Variants in SLC22A23 observed in about 807,000 individuals in gnomAD.
SLC22A23 encodes ion transporter protein.
Under a neutral mutation model 61.0 loss-of-function variants are expected in SLC22A23, and 26 were observed. The ratio of observed to expected loss-of-function variants is 0.43; its 90% CI spans 0.31 to 0.59. The LOEUF (loss-of-function observed/expected upper bound fraction) is 0.59, where lower values mean the gene tolerates loss of function less well. Among genes scored for constraint, SLC22A23 ranks in the 20% least tolerant of loss-of-function variants. The pLI is 0.11. For synonymous variants in SLC22A23, 430 were observed against 413.9 expected, an observed-to-expected ratio of 1.04 and a Z score of -0.47; for missense variants, 796 against 934.7, an observed-to-expected ratio of 0.85 and a Z score of 1.94.
At chr6:3,440,708 GAA>G (rs1193698817) in intron 1 of SLC22A23, among the ~76,000 whole-genome samples, 1 of 76,164 alleles carries the variant, frequency 1.3e-5, no homozygotes, top group Non-Finnish European at 3.1e-5. Flanking sequence ...CTCCGTCTCA[GAA>G]AAAAAAAAAA....
rs116344928 is a variant in SLC22A23, at chr6:3,366,852, G to A, written c.914-42850C>T. On this transcript the variant is annotated intron_variant, in intron 3 of 9. Transcript: ENST00000406686. ...TGGGTAAGACCTAGTTCAAGCAAGT[G>A]ACCTCTGTCTCCTACCCCATCCTCC... is the stretch of plus-strand genomic sequence containing the variant. Among the ~76,000 whole-genome samples the A allele has an allele frequency of 2.3e-3, 345 of 152,274 alleles. 2 individuals are homozygous for A. Among genetic ancestry groups the A allele is most frequent in the African/African-American group, 8.0e-3 (332 of 41,544 alleles).
intron 1 of SLC22A23, among the ~76,000 whole-genome samples, chr6:3,423,032 CA>C (rs1770250194): frequency 2.7e-5 from 4 of 150,664 alleles, no homozygotes; most frequent in Non-Finnish European, 5.9e-5. Flanking sequence ...CCTTAAGCAA[CA>C]ATTTTTTTTT....
intron 5 of SLC22A23, chr6:3,290,940 G>C (rs1760526809): frequency 6.6e-6 from 1 of 152,346 alleles, no homozygotes; most frequent in African/African-American, 2.4e-5. Flanking sequence ...GAAAGACTGA[G>C]CAGCTGTCAG....
intron 3 of SLC22A23, among the ~76,000 whole-genome samples, chr6:3,341,487 T>C (rs1461783444): frequency 1.3e-5 from 2 of 152,266 alleles, no homozygotes; most frequent in East Asian, 1.9e-4. Flanking sequence ...TTCCAACTCC[T>C]TGGGTCCAGA....
intron 1 of SLC22A23, among the ~76,000 whole-genome samples, chr6:3,440,432 G>A (rs1301763013): frequency 3.3e-5 from 5 of 152,226 alleles, no homozygotes; most frequent in East Asian, 3.9e-4. Context: ...GAGTGGCCGG[G>A]TGCGGTGGCT....
At chr6:3,368,001 C>T (rs958299207) in intron 3 of SLC22A23, among the ~76,000 whole-genome samples, 25 of 152,174 alleles carry the variant, frequency 1.6e-4, no homozygotes, top group Admixed American at 1.2e-3. Flanking sequence ...GACCGAGAGA[C>T]CCAGCACCCA....
rs1319005794 is a variant in SLC22A23 at position 3,270,573 on chromosome 6, C to G, written c.*2482G>C. The G allele has an allele frequency of 6.6e-6, 1 of 152,072 alleles. No individual in the cohort carries two copies. The highest frequency in any genetic ancestry group is 1.5e-5 in the Non-Finnish European group (1 of 68,010). The allele number at this position is 152,072 out of a possible 1,614,324, so 9.4% of individuals were successfully genotyped here. ...CCGCCTCGCCGGCTGAGAGCCATTA[C>G]CTGCCGACCGTCGGCAAGTCAGCCT... On this transcript the variant is annotated 3_prime_UTR_variant, in exon 10 of 10. Coordinates refer to ENST00000406686, the MANE Select transcript of SLC22A23 (RefSeq NM_015482.2).
intron 9 of SLC22A23, 38 bp from the exon 10 acceptor site, chr6:3,273,450 G>A (rs767102022): frequency 6.2e-7 from 1 of 1,602,324 alleles, no homozygotes; most frequent in South Asian, 1.1e-5. Flanking sequence ...GCTGCTGTGG[G>A]CTAGCGGGCT....
intron 3 of SLC22A23, among the ~76,000 whole-genome samples, chr6:3,391,866 G>A (rs1767681398): frequency 6.6e-6 from 1 of 151,890 alleles, no homozygotes; most frequent in Non-Finnish European, 1.5e-5. Context: ...GCCTGCAGAG[G>A]TCTGGAGGGG....
intron 4 of SLC22A23, among the ~76,000 whole-genome samples, chr6:3,307,102 G>A (rs1762031286): frequency 6.6e-6 from 1 of 152,184 alleles, no homozygotes; most frequent in South Asian, 2.1e-4. Context: ...CCATGAACAT[G>A]CTGAGCAGAC....
chr6:3,388,992 G>A (rs1045022808), intron 3 of SLC22A23, among the ~76,000 whole-genome samples: 1 of 152,188 alleles, frequency 6.6e-6, no homozygotes, highest in Admixed American at 6.5e-5. Context: ...GTGGCTGCGG[G>A]CGTGGTGGCT....
chr6:3,341,605 T>G (rs1764157351), intron 3 of SLC22A23, among the ~76,000 whole-genome samples: 1 of 152,226 alleles, frequency 6.6e-6, no homozygotes, highest in African/African-American at 2.4e-5. Context: ...ATGTAAATGC[T>G]GTGATTACCA....
intron 3 of SLC22A23, among the ~76,000 whole-genome samples, chr6:3,396,961 C>T (rs1292534706): frequency 6.6e-6 from 1 of 152,204 alleles, no homozygotes; most frequent in Non-Finnish European, 1.5e-5. Context: ...TCTGACTGAG[C>T]CAACACAAGC....
intron 3 of SLC22A23, among the ~76,000 whole-genome samples, chr6:3,353,023 T>C (rs1764870802): frequency 6.6e-6 from 1 of 152,196 alleles, no homozygotes; most frequent in Admixed American, 6.5e-5. Context: ...TATTCATTTT[T>C]TGCCTGAAAT....
intron 3 of SLC22A23, among the ~76,000 whole-genome samples, chr6:3,388,456 G>A (rs1759410855): frequency 6.6e-6 from 1 of 152,126 alleles, no homozygotes; most frequent in African/African-American, 2.4e-5. Context: ...CCTGCTGGTG[G>A]GAATGTCAGA....
At chr6:3,365,888 C>G (rs1389541514) in intron 3 of SLC22A23, among the ~76,000 whole-genome samples, 1 of 152,092 alleles carries the variant, frequency 6.6e-6, no homozygotes, top group Non-Finnish European at 1.5e-5. Context: ...CTTTGCTAAC[C>G]AAAGACTTGT....
chr6:3,278,958 G>A (rs904496489), intron 9 of SLC22A23, among the ~76,000 whole-genome samples: 1 of 152,140 alleles, frequency 6.6e-6, no homozygotes, highest in East Asian at 1.9e-4. Flanking sequence ...CCCCCAGGAG[G>A]GGTGGGCAGA....
At position 3,414,492 on chromosome 6, in the gene SLC22A23, G is replaced by A. The variant is rs930650702; in HGVS notation, c.758+1260C>T. ...CAAATCATGATGAGGCAGATGTCAAGCACACAGGAAATCACATTACATGTC... is the reference window on the plus strand; with the variant it reads ...CAAATCATGATGAGGCAGATGTCAAACACACAGGAAATCACATTACATGTC... On this transcript the variant is annotated intron_variant, in intron 2 of 9. Coordinates refer to ENST00000406686, the MANE Select transcript of SLC22A23 (RefSeq NM_015482.2). The surrounding 1 kb of genome is among the most constrained non-coding windows in gnomAD (Gnocchi z 5.1). Among the ~76,000 whole-genome samples the A allele has an allele frequency of 3.3e-5, 5 of 152,178 alleles. No individual in the cohort carries two copies. The South Asian group carries it at 1.0e-3, about 32-fold the overall frequency.
intron 5 of SLC22A23, among the ~76,000 whole-genome samples, chr6:3,296,888 C>CA (rs1761149810): frequency 6.6e-6 from 1 of 152,196 alleles, no homozygotes; most frequent in African/African-American, 2.4e-5. Flanking sequence ...GTCCAGGTAC[C>CA]AAGGGCTTCT....
Sources: allele counts gnomAD v4.1 joint callset (sites outside exome capture counted in the v4.1 genomes callset), GRCh38; gene constraint gnomAD v4.1.1; non-coding constraint Gnocchi (gnomAD v3.1); transcripts MANE v1.5; gene names NCBI Gene and HGNC (gene_info 2026-07-23, HGNC 2026-07-21).